PRKAG2: variants seen among roughly 807,000 people sequenced by gnomAD.
PRKAG2 encodes 5'-AMP-activated protein kinase subunit gamma-2.
A neutral mutation model predicts 69.6 loss-of-function variants in PRKAG2; 26 were observed. The observed-to-expected ratio is 0.37, with a 90% CI of 0.27 to 0.52. PRKAG2 has a LOEUF of 0.52. Ranked by LOEUF, PRKAG2 falls within the 20% of genes least tolerant of loss-of-function variation. The probability of loss-of-function intolerance (pLI) is 0.90; values close to 1 mark genes in which losing one functional copy is unlikely to be tolerated. For synonymous variants in PRKAG2, 293 were observed against 285.0 expected (o/e 1.03, Z -0.28); for missense variants, 557 against 740.0 (o/e 0.75, Z 2.87).
At chr7:151,783,962 G>A (rs2076868464) in intron 2 of PRKAG2, among the ~76,000 whole-genome samples, 1 of 151,666 alleles carries the variant, frequency 6.6e-6, no homozygotes, top group African/African-American at 2.4e-5. Flanking sequence ...CAAGTGGTGG[G>A]TGCTGTGTGT....
intron 5 of PRKAG2, among the ~76,000 whole-genome samples, chr7:151,630,479 G>A (rs1211525863): frequency 6.6e-6 from 1 of 152,168 alleles, no homozygotes; most frequent in Non-Finnish European, 1.5e-5. Context: ...CCATGATACG[G>A]ATTGGCTCAT....
At chr7:151,847,876 A>G (rs2079471722) in intron 1 of PRKAG2, among the ~76,000 whole-genome samples, 1 of 152,274 alleles carries the variant, frequency 6.6e-6, no homozygotes, top group South Asian at 2.1e-4. Flanking sequence ...TCCCCGGAGC[A>G]GACTGGGGGT....
intron 5 of PRKAG2, among the ~76,000 whole-genome samples, chr7:151,604,027 G>A (rs1347043389): frequency 6.6e-6 from 1 of 152,194 alleles, no homozygotes; most frequent in East Asian, 1.9e-4. Context: ...GTGGCTGATG[G>A]ACTGGTGGGT....
chr7:151,571,364 C>T (rs753485716), intron 9 of PRKAG2, among the ~76,000 whole-genome samples: 9 of 152,206 alleles, frequency 5.9e-5, no homozygotes, highest in South Asian at 2.1e-4. Context: ...TGAGCTACTG[C>T]GCCTGGCTCT....
At chr7:151,729,951 C>G (rs1046865597) in intron 3 of PRKAG2, among the ~76,000 whole-genome samples, 3 of 152,188 alleles carry the variant, frequency 2.0e-5, no homozygotes, top group African/African-American at 4.8e-5. Flanking sequence ...CTACGTGATT[C>G]TATTTCTAGG....
At chr7:151,605,658 G>A (rs1267861353) in intron 5 of PRKAG2, among the ~76,000 whole-genome samples, 2 of 151,996 alleles carry the variant, frequency 1.3e-5, no homozygotes, top group African/African-American at 2.4e-5. Context: ...AATTGCTTCA[G>A]GCCAGGTGCA....
chr7:151,623,387 A>G (rs903662807), intron 5 of PRKAG2, among the ~76,000 whole-genome samples: 1 of 149,552 alleles, frequency 6.7e-6, no homozygotes, highest in African/African-American at 2.5e-5. Context: ...AAAAAAAAAA[A>G]AAAAGCTCAT....
chr7:151,654,494 A>G (rs1261598680), intron 4 of PRKAG2, among the ~76,000 whole-genome samples: 1 of 152,312 alleles, frequency 6.6e-6, no homozygotes, highest in South Asian at 2.1e-4. Context: ...GTCAATATTC[A>G]AGGTTTCAAC....
intron 1 of PRKAG2, among the ~76,000 whole-genome samples, chr7:151,846,395 T>C (rs1037410962): frequency 2.0e-5 from 3 of 151,994 alleles, no homozygotes; most frequent in African/African-American, 7.3e-5. Flanking sequence ...TTGAAACCGG[T>C]AGGCAGAGGT....
At chr7:151,729,844 C>T (rs1409964481) in intron 3 of PRKAG2, among the ~76,000 whole-genome samples, 1 of 152,206 alleles carries the variant, frequency 6.6e-6, no homozygotes, top group East Asian at 1.9e-4. Context: ...ACCCACTGAA[C>T]CGACCCCTCG....
At chr7:151,641,244 CTTTTTTTTTTTT>C (rs374667332) in intron 4 of PRKAG2, among the ~76,000 whole-genome samples, 1 of 105,710 alleles carries the variant, frequency 9.5e-6, no homozygotes, top group Non-Finnish European at 1.9e-5. Flanking sequence ...TTCTTTTTTC[CTTTTTTTTTTTT>C]TTTTTTTTTT....
At position 151,675,473 on chromosome 7, in the gene PRKAG2, T is replaced by C; in HGVS notation, c.631A>G (p.Ser211Gly). The change falls in exon 4 of 16, where the codon AGC (serine) becomes GGC (glycine). Residue 211 changes from serine to glycine, a missense_variant. Ser to Gly is a moderately conservative substitution (Grantham distance 56). Transcript: ENST00000287878. ...GQRFCPSSFQSPTRPPLASPT... is the reference protein window; with the variant it reads ...GQRFCPSSFQGPTRPPLASPT... ...GATGCCAGTGGAGGCCTGGTCGGGCTCTGGAAGGAAGACGGGCAGAACCTC... is the reference window on the plus strand; with the variant it reads ...GATGCCAGTGGAGGCCTGGTCGGGCCCTGGAAGGAAGACGGGCAGAACCTC... The C allele has an allele frequency of 1.9e-6, 3 of 1,614,088 alleles. No homozygotes were observed. Among genetic ancestry groups the C allele is most frequent in the Non-Finnish European group, 2.5e-6 (3 of 1,180,010 alleles).
intron 1 of PRKAG2, among the ~76,000 whole-genome samples, chr7:151,820,501 G>GTCTCCAACTTCA (rs1563728068): frequency 1.3e-3 from 125 of 97,192 alleles, no homozygotes; most frequent in East Asian, 6.7e-3. Context: ...CCGCTCCGTG[G>GTCTCCAACTTCA]CCTGGCCCCT....
intron 3 of PRKAG2, among the ~76,000 whole-genome samples, chr7:151,689,676 C>T (rs1201556652): frequency 6.6e-6 from 1 of 152,194 alleles, no homozygotes; most frequent in Non-Finnish European, 1.5e-5. Flanking sequence ...ACACTCCCTT[C>T]CTGGGGTGCT....
chr7:151,697,322 G>T (rs1836845707), intron 3 of PRKAG2, among the ~76,000 whole-genome samples: 1 of 152,166 alleles, frequency 6.6e-6, no homozygotes, highest in Non-Finnish European at 1.5e-5. Context: ...CGAGCATCAG[G>T]GGGCGCTGCA....
Position 151,720,419 on chromosome 7 carries a change from G to A in PRKAG2, c.467-44782C>T, listed in dbSNP as rs777016213. Among the ~76,000 whole-genome samples the A allele has an allele frequency of 2.2e-4, 33 of 151,838 alleles. 1 individual carries two copies. In the Middle Eastern group the frequency reaches 0.01, roughly 47 times the overall value. On this transcript the variant is annotated intron_variant, in intron 3 of 15. Coordinates refer to ENST00000287878, the MANE Select transcript of PRKAG2 (RefSeq NM_016203.4). ...GTGGAGGCTGCTAGCTCAGGAGGTC[G>A]GTCTATAGGCAATTAAATCTCTGTG...
chr7:151,571,373 C>A (rs1053853382), intron 9 of PRKAG2, among the ~76,000 whole-genome samples: 3 of 151,500 alleles, frequency 2.0e-5, no homozygotes, highest in Non-Finnish European at 2.9e-5. Flanking sequence ...GCGCCTGGCT[C>A]TAATTTTGTA....
chr7:151,782,928 C>CG (rs1305665629), intron 2 of PRKAG2, among the ~76,000 whole-genome samples: 2 of 152,240 alleles, frequency 1.3e-5, no homozygotes, highest in Admixed American at 1.3e-4. Context: ...GCAGCGCTCG[C>CG]GGGGAGCCAG....
chr7:151,806,125 G>T (rs2078089392), intron 1 of PRKAG2, among the ~76,000 whole-genome samples: 1 of 152,214 alleles, frequency 6.6e-6, no homozygotes, highest in Admixed American at 6.5e-5. Context: ...GGAAGCGGAG[G>T]TTGCAGTGAG....
Sources: allele counts gnomAD v4.1 joint callset (sites outside exome capture counted in the v4.1 genomes callset), GRCh38; gene constraint gnomAD v4.1.1; transcripts MANE v1.5; gene names NCBI Gene and HGNC (gene_info 2026-07-23, HGNC 2026-07-21).